SLC24A3: variants seen among roughly 807,000 people sequenced by gnomAD.
SLC24A3 encodes the protein solute carrier family 24 member 3, also known as sodium/potassium/calcium exchanger 3.
A neutral mutation model predicts 75.8 loss-of-function variants in SLC24A3; 28 were observed. The ratio of observed to expected loss-of-function variants is 0.37; its 90% CI spans 0.27 to 0.51. The LOEUF (loss-of-function observed/expected upper bound fraction) is 0.51. Ranked by LOEUF, SLC24A3 falls within the 20% of genes least tolerant of loss-of-function variation. The pLI is 0.94. For missense variants in SLC24A3, 663 were observed against 847.8 expected, an observed-to-expected ratio of 0.78 and a Z score of 2.71; for synonymous variants, 372 against 334.1, an observed-to-expected ratio of 1.11 and a Z score of -1.24.
intron 2 of SLC24A3, among the ~76,000 whole-genome samples, chr20:19,319,269 A>G (rs1243166115): frequency 6.6e-6 from 1 of 152,196 alleles, no homozygotes; most frequent in East Asian, 1.9e-4. Context: ...GTAAATATGC[A>G]TGTGTGTTTA....
At chr20:19,437,617 G>A (rs558041122) in intron 2 of SLC24A3, among the ~76,000 whole-genome samples, 3 of 152,302 alleles carry the variant, frequency 2.0e-5, no homozygotes, top group Admixed American at 6.5e-5. Flanking sequence ...GAAGGCTGAG[G>A]CTTATCCAGG....
intron 1 of SLC24A3, among the ~76,000 whole-genome samples, chr20:19,280,215 A>T (rs554408167): frequency 3.9e-5 from 6 of 152,108 alleles, no homozygotes; most frequent in African/African-American, 7.2e-5. Context: ...CCAACCCCAC[A>T]GTCATTGCAG....
intron 1 of SLC24A3, among the ~76,000 whole-genome samples, chr20:19,246,386 A>C (rs981614457): frequency 1.3e-5 from 2 of 152,164 alleles, no homozygotes; most frequent in African/African-American, 4.8e-5. Flanking sequence ...GTTCATTATG[A>C]AGAACAGTAA....
At chr20:19,362,780 C>CA (rs1259361590) in intron 2 of SLC24A3, among the ~76,000 whole-genome samples, 1 of 152,096 alleles carries the variant, frequency 6.6e-6, no homozygotes, top group Non-Finnish European at 1.5e-5. Flanking sequence ...GACAGTCACA[C>CA]AAACAGAATA....
chr20:19,344,450 T>A (rs1394112769), intron 2 of SLC24A3, among the ~76,000 whole-genome samples: 1 of 152,158 alleles, frequency 6.6e-6, no homozygotes, highest in East Asian at 1.9e-4. Context: ...AGACTAGCAT[T>A]TAAATTCAGT....
chr20:19,656,539 T>C (rs2032268794), intron 7 of SLC24A3, among the ~76,000 whole-genome samples: 1 of 152,212 alleles, frequency 6.6e-6, no homozygotes, highest in Admixed American at 6.5e-5. Flanking sequence ...GCAAGCTTCA[T>C]CCTTCTATGC....
rs574280494 is a variant in SLC24A3, at chr20:19,678,512, G to T, written c.768-3346G>T. On this transcript the variant is annotated intron_variant, in intron 9 of 16. Transcript: ENST00000328041. Reference sequence around the variant, plus strand: ...GACGGGGCGGCTGGCCGGGCGGGGGGCTGACCCCCCAACCTCCCTCCCGGA... The same window carrying T: ...GACGGGGCGGCTGGCCGGGCGGGGGTCTGACCCCCCAACCTCCCTCCCGGA... Among the ~76,000 whole-genome samples, 518 of 139,962 alleles carry T rather than the reference G, an allele frequency of 3.7e-3. 1 individual carries two copies. The highest frequency in any genetic ancestry group is 0.014 in the African/African-American group (498 of 36,522). The allele number at this position is 139,962 out of a possible 152,430, so 91.8% of individuals were successfully genotyped here.
At chr20:19,635,258 G>C (rs2031986152) in intron 6 of SLC24A3, among the ~76,000 whole-genome samples, 1 of 152,170 alleles carries the variant, frequency 6.6e-6, no homozygotes, top group Non-Finnish European at 1.5e-5. Context: ...AATTTCTAGA[G>C]AACAGAAATA....
intron 2 of SLC24A3, among the ~76,000 whole-genome samples, chr20:19,339,024 G>A (rs536876552): frequency 6.6e-6 from 1 of 152,292 alleles, no homozygotes; most frequent in South Asian, 2.1e-4. Context: ...TTTTGAATGG[G>A]ATAGCTGGTC....
intron 6 of SLC24A3, among the ~76,000 whole-genome samples, chr20:19,587,336 G>A (rs1235859877): frequency 6.6e-6 from 1 of 152,134 alleles, no homozygotes; most frequent in African/African-American, 2.4e-5. Flanking sequence ...TTAGTAACGC[G>A]GTTCATCCCA....
Position 19,663,438 on chromosome 20 carries a change from T to TCCACC in SLC24A3, c.688-2426_688-2425insCCACC, listed in dbSNP as rs1568689602. On this transcript the variant is annotated intron_variant, in intron 7 of 16. Coordinates refer to ENST00000328041, the MANE Select transcript of SLC24A3 (RefSeq NM_020689.4). ...CTCCTCCTCCTCCTCCTCCTCCGCC[T>TCCACC]TCTCATCCTCCTCCACTTCCTCCTC... Among the ~76,000 whole-genome samples the TCCACC allele has an allele frequency of 2.5e-3, 22 of 8,818 alleles. 2 individuals carry two copies. Among genetic ancestry groups the TCCACC allele is most frequent in the Middle Eastern group, 0.071 (1 of 14 alleles). The allele number at this position is 8,818 out of a possible 152,430, so 5.8% of individuals were successfully genotyped here.
At chr20:19,357,172 T>C (rs940017091) in intron 2 of SLC24A3, among the ~76,000 whole-genome samples, 1 of 151,880 alleles carries the variant, frequency 6.6e-6, no homozygotes, top group African/African-American at 2.4e-5. Flanking sequence ...GAGGCAGAGA[T>C]TGGGGTGATG....
At chr20:19,549,263 A>G (rs1187761451) in intron 3 of SLC24A3, among the ~76,000 whole-genome samples, 5 of 152,214 alleles carry the variant, frequency 3.3e-5, no homozygotes, top group African/African-American at 1.2e-4. Context: ...TTAAAAGAGC[A>G]TCAGTTTTTG....
chr20:19,458,106 G>C (rs369505189), intron 2 of SLC24A3, among the ~76,000 whole-genome samples: 3 of 152,144 alleles, frequency 2.0e-5, no homozygotes, highest in Non-Finnish European at 4.4e-5. Flanking sequence ...TTGTAAGTTG[G>C]AAGTTCTGCT....
intron 6 of SLC24A3, among the ~76,000 whole-genome samples, chr20:19,596,081 A>C (rs191192828): frequency 2.5e-4 from 38 of 152,148 alleles, no homozygotes; most frequent in African/African-American, 8.9e-4. Flanking sequence ...CATGCTGAGG[A>C]TATGGGTGCA....
intron 1 of SLC24A3, among the ~76,000 whole-genome samples, chr20:19,227,884 C>T (rs1210277330): frequency 3.3e-5 from 5 of 152,084 alleles, no homozygotes; most frequent in Non-Finnish European, 7.4e-5. Context: ...TTTACATTTT[C>T]TCCAAATCCT....
chr20:19,485,186 T>A (rs1349045197), intron 2 of SLC24A3, among the ~76,000 whole-genome samples: 3 of 152,190 alleles, frequency 2.0e-5, no homozygotes, highest in Non-Finnish European at 4.4e-5. Context: ...ATCTTCTAAA[T>A]ATTCTTGTCC....
At chr20:19,567,860 A>G (rs1022085122) in intron 3 of SLC24A3, among the ~76,000 whole-genome samples, 1 of 152,212 alleles carries the variant, frequency 6.6e-6, no homozygotes, top group Admixed American at 6.5e-5. Context: ...ACAGAATGGG[A>G]GAAAATATTT....
intron 2 of SLC24A3, among the ~76,000 whole-genome samples, chr20:19,458,543 C>T (rs916900083): frequency 3.3e-5 from 5 of 152,186 alleles, no homozygotes; most frequent in African/African-American, 1.2e-4. Flanking sequence ...TCTCCCTCCT[C>T]CCTAGCCCCT....
Sources: gnomAD v4.1 joint callset for allele counts (sites outside exome capture counted in the v4.1 genomes callset) on GRCh38, gnomAD v4.1.1 for gene constraint, MANE v1.5 for transcripts, NCBI Gene and HGNC (gene_info 2026-07-23, HGNC 2026-07-21) for gene names.